Variants in EPM2A observed in about 807,000 individuals in gnomAD.
The protein encoded by EPM2A is EPM2A glucan phosphatase, laforin, also known as laforin.
Under a neutral mutation model 26.5 loss-of-function variants are expected in EPM2A, and 21 were observed. That is an observed-to-expected ratio of 0.79 (90% CI 0.56 to 1.14). The LOEUF is 1.14. Among genes scored for constraint, EPM2A ranks in the 50% most tolerant of loss-of-function variants. The pLI is 0.00. For missense variants in EPM2A, 458 were observed against 440.8 expected (o/e 1.04, Z -0.35); for synonymous variants, 217 against 177.6 (o/e 1.22, Z -1.76).
chr6:145,487,559 A>G (rs1779694983), intron 4 of EPM2A, among the ~76,000 whole-genome samples: 1 of 152,138 alleles, frequency 6.6e-6, no homozygotes, highest in African/African-American at 2.4e-5. Context: ...ATGGTATCAC[A>G]TGGTAGTTTT....
At chr6:145,717,420 C>T (rs1775693919) in intron 1 of EPM2A, among the ~76,000 whole-genome samples, 1 of 152,016 alleles carries the variant, frequency 6.6e-6, no homozygotes, top group Admixed American at 6.6e-5. Flanking sequence ...TTCAACAACC[C>T]TTCATGCTAA....
At chr6:145,669,011 GAGT>G (rs531160887) in intron 2 of EPM2A, among the ~76,000 whole-genome samples, 1 of 152,104 alleles carries the variant, frequency 6.6e-6, no homozygotes, top group Non-Finnish European at 1.5e-5. Flanking sequence ...GTGAGTGTGT[GAGT>G]AGGTCTGTGT....
At chr6:145,554,422 T>TGATAGATA (rs34637179) in intron 2 of EPM2A, among the ~76,000 whole-genome samples, 6,654 of 146,176 alleles carry the variant, frequency 0.046, 165 homozygotes, top group East Asian at 0.066. Context: ...GATAGATAGA[T>TGATAGATA]GATAGATAGA....
chr6:145,535,962 A>G (rs1780425234), intron 2 of EPM2A, among the ~76,000 whole-genome samples: 1 of 152,252 alleles, frequency 6.6e-6, no homozygotes, highest in African/African-American at 2.4e-5. Context: ...AATGAACTTC[A>G]ACACTATGTC....
intron 4 of EPM2A, among the ~76,000 whole-genome samples, chr6:145,450,747 C>T (rs1251311631): frequency 6.6e-6 from 1 of 152,212 alleles, no homozygotes; most frequent in Non-Finnish European, 1.5e-5. Flanking sequence ...TCCAGCAGCT[C>T]TGTCTTGTTT....
At chr6:145,465,648 G>A (rs558587087) in intron 4 of EPM2A, among the ~76,000 whole-genome samples, 1 of 151,518 alleles carries the variant, frequency 6.6e-6, no homozygotes, top group African/African-American at 2.4e-5. Flanking sequence ...TGGGTTTTTG[G>A]TGTGGATGTC....
intron 2 of EPM2A, among the ~76,000 whole-genome samples, chr6:145,599,089 G>A (rs1781384388): frequency 6.6e-6 from 1 of 152,136 alleles, no homozygotes. Context: ...GGCTATTCGG[G>A]CTATTTTTCC....
intron 1 of EPM2A, among the ~76,000 whole-genome samples, chr6:145,702,479 A>AAAG (rs1433390326): frequency 7.9e-5 from 12 of 152,188 alleles, no homozygotes; most frequent in African/African-American, 2.9e-4. Flanking sequence ...AAAAGAAGAA[A>AAAG]AAAAGAAAAA....
Position 145,703,335 on chromosome 6 carries a change from C to T in EPM2A, c.302-17039G>A, listed in dbSNP as rs1276035439. On this transcript the variant is annotated intron_variant, in intron 1 of 3. Coordinates refer to ENST00000367519, the MANE Select transcript of EPM2A (RefSeq NM_005670.4). ...CTCGATCTCCTGACCTTGTGATCTG[C>T]CCGCCTCGACCTCCCAAAGTGCTGG... Among the ~76,000 whole-genome samples, 3 of 152,062 alleles carry T rather than the reference C, an allele frequency of 2.0e-5. No homozygotes were observed. In the East Asian group the frequency reaches 5.8e-4, roughly 29 times the overall value.
chr6:145,385,479 T>C (rs932480553), intron 4 of EPM2A, among the ~76,000 whole-genome samples: 4 of 152,200 alleles, frequency 2.6e-5, no homozygotes, highest in Non-Finnish European at 5.9e-5. Context: ...AGTTTTTTAC[T>C]GAGTTTTTGT....
At chr6:145,668,164 T>A (rs1454689891) in intron 2 of EPM2A, among the ~76,000 whole-genome samples, 7 of 146,002 alleles carry the variant, frequency 4.8e-5, no homozygotes, top group Admixed American at 6.7e-5. Flanking sequence ...TAAAGTATAA[T>A]AAAAAAAAAA....
intron 2 of EPM2A, among the ~76,000 whole-genome samples, chr6:145,564,283 T>G (rs1436548358): frequency 6.6e-6 from 1 of 152,238 alleles, no homozygotes; most frequent in Non-Finnish European, 1.5e-5. Flanking sequence ...TATATACACA[T>G]GCATCTATAT....
chr6:145,427,632 G>C (rs1778868710), intron 4 of EPM2A, among the ~76,000 whole-genome samples: 1 of 152,122 alleles, frequency 6.6e-6, no homozygotes, highest in Admixed American at 6.5e-5. Context: ...GGATATACAG[G>C]GTCAAGAGTG....
exon 3 of EPM2A, chr6:145,502,556 G>A (rs978295883): frequency 1.3e-5 from 6 of 470,686 alleles, no homozygotes; most frequent in South Asian, 6.2e-5. Flanking sequence ...AGCAGCACAT[G>A]TCAGCTGTCC....
intron 4 of EPM2A, among the ~76,000 whole-genome samples, chr6:145,446,580 T>C (rs892538054): frequency 1.3e-5 from 2 of 152,178 alleles, no homozygotes; most frequent in African/African-American, 4.8e-5. Context: ...ATTTCTTCTT[T>C]GCTCTTATTC....
At chr6:145,519,352 G>A (rs371350890) in intron 2 of EPM2A, among the ~76,000 whole-genome samples, 3 of 152,116 alleles carry the variant, frequency 2.0e-5, no homozygotes, top group African/African-American at 4.8e-5. Flanking sequence ...AGAGTGAGGA[G>A]TAGCAACATG....
At position 145,618,655 on chromosome 6, in the gene EPM2A, C is replaced by T. The variant is rs547578800; in HGVS notation, c.340+16590G>A. Among the ~76,000 whole-genome samples the T allele has an allele frequency of 2.6e-5, 4 of 152,310 alleles. No homozygotes were observed. The South Asian group carries it at 6.2e-4, about 24-fold the overall frequency. On this transcript the variant is annotated intron_variant, in intron 2 of 3. Coordinates refer to the EPM2A transcript ENST00000450221. ...AAGGTGGTGTTTGCTTCTCCTTCTG[C>T]GATGATCATAAGTTTCCTTAGGCCT...
chr6:145,700,604 C>A (rs1199600050), intron 1 of EPM2A, among the ~76,000 whole-genome samples: 1 of 152,038 alleles, frequency 6.6e-6, no homozygotes, highest in Non-Finnish European at 1.5e-5. Flanking sequence ...AATGCTGAGG[C>A]AGAAGGAGAT....
intron 4 of EPM2A, among the ~76,000 whole-genome samples, chr6:145,425,735 C>T (rs951957174): frequency 1.3e-5 from 2 of 151,766 alleles, no homozygotes; most frequent in African/African-American, 2.4e-5. Flanking sequence ...TTTGATTCTT[C>T]TGAGGTACTT....
Sources: gnomAD v4.1 joint callset for allele counts (sites outside exome capture counted in the v4.1 genomes callset) on GRCh38, gnomAD v4.1.1 for gene constraint, MANE v1.5 for transcripts, NCBI Gene and HGNC (gene_info 2026-07-23, HGNC 2026-07-21) for gene names.